The following SLCO3A1 variants were observed in gnomAD, a reference collection of about 807,000 sequenced individuals.
SLCO3A1 encodes the protein PGE1 transporter.
In SLCO3A1, 27 loss-of-function variants were observed where a neutral mutation model predicts 63.1. The observed-to-expected ratio is 0.43, with a 90% CI of 0.32 to 0.59. The LOEUF is 0.59. SLCO3A1 is among the 20% of genes least tolerant of loss of function. The probability of loss-of-function intolerance (pLI) is 0.09; values close to 1 mark genes in which losing one functional copy is unlikely to be tolerated. For synonymous variants in SLCO3A1, 473 were observed against 409.9 expected (o/e 1.15, Z -1.86); for missense variants, 773 against 945.8 (o/e 0.82, Z 2.40).
intron 2 of SLCO3A1, among the ~76,000 whole-genome samples, chr15:92,001,228 G>A (rs1055027327): frequency 5.3e-5 from 8 of 151,416 alleles, no homozygotes; most frequent in African/African-American, 1.7e-4. Flanking sequence ...GGGAGGGGGC[G>A]AACAAAAGAA....
chr15:91,915,007 C>G (rs1014157790), intron 1 of SLCO3A1, among the ~76,000 whole-genome samples: 5 of 152,190 alleles, frequency 3.3e-5, no homozygotes, highest in African/African-American at 1.2e-4. Flanking sequence ...GGACTCTTGT[C>G]TTGCTCACAG....
At chr15:91,927,244 C>G (rs1279895227) in intron 2 of SLCO3A1, among the ~76,000 whole-genome samples, 1 of 152,020 alleles carries the variant, frequency 6.6e-6, no homozygotes, top group Admixed American at 6.6e-5. Context: ...GGGTAATATT[C>G]AGCAGATTTT....
chr15:91,962,822 G>C (rs1428392219), intron 2 of SLCO3A1, among the ~76,000 whole-genome samples: 1 of 152,186 alleles, frequency 6.6e-6, no homozygotes, highest in Non-Finnish European at 1.5e-5. Context: ...AGCTGGGAAA[G>C]GAGAGAGTTT....
At chr15:92,010,595 A>C (rs571374329) in intron 2 of SLCO3A1, among the ~76,000 whole-genome samples, 6 of 152,340 alleles carry the variant, frequency 3.9e-5, no homozygotes, top group African/African-American at 1.4e-4. Flanking sequence ...TTCCTGTTAC[A>C]GTGCCATTGT....
At position 91,882,985 on chromosome 15, in the gene SLCO3A1, A is replaced by C. The variant is rs1378579453; in HGVS notation, c.180+28897A>C. On this transcript the variant is annotated intron_variant, in intron 1 of 9. Transcript: ENST00000318445. The surrounding 1 kb of genome is among the most constrained non-coding windows in gnomAD (Gnocchi z 4.4). ...CTGCTCTATTAATGCCCAGTGAGTAAGGGAATGACAGATGGGACAGCAGCC... is the reference window on the plus strand; with the variant it reads ...CTGCTCTATTAATGCCCAGTGAGTACGGGAATGACAGATGGGACAGCAGCC... 1.3e-5 allele frequency among the ~76,000 whole-genome samples: 2 copies of C among 152,200 alleles called. No individual in the cohort carries two copies. Among genetic ancestry groups the C allele is most frequent in the East Asian group, 3.8e-4 (2 of 5,198 alleles).
At chr15:92,145,820 T>TCTGCCCCCATTC (rs1244993267) in intron 7 of SLCO3A1, among the ~76,000 whole-genome samples, 2 of 152,166 alleles carry the variant, frequency 1.3e-5, no homozygotes, top group Non-Finnish European at 2.9e-5. Context: ...CCAGCGTACG[T>TCTGCCCCCATTC]CTGCCCCCAT....
chr15:91,961,006 C>G (rs577082924), intron 2 of SLCO3A1, among the ~76,000 whole-genome samples: 10 of 152,294 alleles, frequency 6.6e-5, no homozygotes, highest in African/African-American at 2.4e-4. Context: ...GTCTGCTCAA[C>G]CATGAGGCTT....
At chr15:92,034,192 G>C (rs2151482155) in intron 2 of SLCO3A1, among the ~76,000 whole-genome samples, 2 of 151,656 alleles carry the variant, frequency 1.3e-5, no homozygotes, top group South Asian at 4.2e-4. Context: ...TGGAGACTTG[G>C]GGCCGGGGAT....
intron 1 of SLCO3A1, among the ~76,000 whole-genome samples, chr15:91,880,075 G>A (rs1454223331): frequency 6.6e-6 from 1 of 151,594 alleles, no homozygotes; most frequent in African/African-American, 2.4e-5. Flanking sequence ...AGATAGATAT[G>A]CTCCTCAACC....
chr15:92,015,797 C>T (rs1000951624), intron 2 of SLCO3A1, among the ~76,000 whole-genome samples: 2 of 152,086 alleles, frequency 1.3e-5, no homozygotes, highest in Non-Finnish European at 2.9e-5. Context: ...AGGCTCTGAC[C>T]CCATTTGCTC....
At chr15:91,903,137 C>T (rs990662566) in intron 1 of SLCO3A1, among the ~76,000 whole-genome samples, 3 of 152,284 alleles carry the variant, frequency 2.0e-5, no homozygotes, top group East Asian at 3.9e-4. Flanking sequence ...ATTGGATTCT[C>T]AGATCATCTT....
At chr15:91,949,114 G>T (rs1899910086) in intron 2 of SLCO3A1, among the ~76,000 whole-genome samples, 1 of 152,062 alleles carries the variant, frequency 6.6e-6, no homozygotes, top group African/African-American at 2.4e-5. Context: ...TGTGGTTGGG[G>T]TGGGTGCATC....
At chr15:92,086,029 A>G (rs74608011) in intron 2 of SLCO3A1, among the ~76,000 whole-genome samples, 295 of 152,296 alleles carry the variant, frequency 1.9e-3, no homozygotes, top group Admixed American at 4.2e-3. Context: ...CTGTTCTACC[A>G]TGGTTGGGCA....
At chr15:91,975,047 A>G (rs1248770351) in intron 2 of SLCO3A1, among the ~76,000 whole-genome samples, 6 of 152,176 alleles carry the variant, frequency 3.9e-5, no homozygotes, top group African/African-American at 7.2e-5. Flanking sequence ...GTGTTCCTGC[A>G]TCATAGGTGT....
At chr15:91,889,437 G>A (rs1254990791) in intron 1 of SLCO3A1, among the ~76,000 whole-genome samples, 1 of 152,216 alleles carries the variant, frequency 6.6e-6, no homozygotes, top group Admixed American at 6.5e-5. Flanking sequence ...TTGGTAGTGG[G>A]CAGTAAGATG....
At chr15:92,092,383 C>T (rs746829632) in intron 2 of SLCO3A1, among the ~76,000 whole-genome samples, 7 of 152,072 alleles carry the variant, frequency 4.6e-5, no homozygotes, top group Non-Finnish European at 1.0e-4. Context: ...GGGGGAGGTG[C>T]CGGGAGTCAC....
chr15:91,911,244 G>A (rs374868064), intron 1 of SLCO3A1, among the ~76,000 whole-genome samples: 4 of 152,198 alleles, frequency 2.6e-5, no homozygotes, highest in African/African-American at 4.8e-5. Context: ...ATGAGGAGGC[G>A]ATAATTTCAA....
downstream of SLCO3A1, chr15:92,165,929 C>A (rs888573193): frequency 2.0e-6 from 2 of 982,024 alleles, no homozygotes; most frequent in Non-Finnish European, 2.4e-6. Flanking sequence ...TCTTCTGCTA[C>A]AAACTCCTAC....
chr15:92,008,799 T>A (rs7495052), intron 2 of SLCO3A1, among the ~76,000 whole-genome samples: 4 of 152,014 alleles, frequency 2.6e-5, no homozygotes, highest in Admixed American at 2.6e-4. Flanking sequence ...ATGATATATG[T>A]GAATGTAAAA....
Sources: allele counts gnomAD v4.1 joint callset (sites outside exome capture counted in the v4.1 genomes callset), GRCh38; gene constraint gnomAD v4.1.1; non-coding constraint Gnocchi (gnomAD v3.1); transcripts MANE v1.5; gene names NCBI Gene and HGNC (gene_info 2026-07-23, HGNC 2026-07-21).